ATF5: variants seen among roughly 807,000 people sequenced by gnomAD.
ATF5 encodes cyclic AMP-dependent transcription factor ATF-5.
Under a neutral mutation model 4.6 loss-of-function variants are expected in ATF5, and 6 were observed. That is an observed-to-expected ratio of 1.31 (90% CI 0.72 to 2.59). The LOEUF (loss-of-function observed/expected upper bound fraction) is 2.59. ATF5 is among the 30% of genes most tolerant of loss of function. The probability of loss-of-function intolerance (pLI) is 0.00; values close to 1 mark genes in which losing one functional copy is unlikely to be tolerated. For missense variants in ATF5, 410 were observed against 368.7 expected, an observed-to-expected ratio of 1.11 and a Z score of -0.92; for synonymous variants, 193 against 165.0, an observed-to-expected ratio of 1.17 and a Z score of -1.30.
In ATF5 at chr19:49,932,632, TACCACC is replaced by T; in HGVS notation, c.398_403del (p.Pro133_Pro134del). 9.2e-7 allele frequency: 1 copy of T among 1,087,256 alleles called. No individual in the cohort carries two copies. The highest frequency in any genetic ancestry group is 1.2e-6 in the Non-Finnish European group (1 of 825,780). 67.4% of individuals were successfully genotyped at this position (1,087,256 alleles called of 1,614,324 possible). A position where few individuals can be genotyped will look rare whatever the true frequency, so the allele number is the denominator to read the frequency against. ...CTCCCACCACCCTCCCCGCCGCCAC[TACCACC>T]ACCACCACTACCACCAGCCCCCTCC... On this transcript the variant is annotated inframe_deletion, in exon 3 of 3. Coordinates refer to ENST00000423777, the MANE Select transcript of ATF5 (RefSeq NM_001193646.2).
chr19:49,929,662 T>C (rs139800169), intron 1 of ATF5: 3 of 152,002 alleles, frequency 2.0e-5, no homozygotes, highest in African/African-American at 7.2e-5. Flanking sequence ...GTTTTTTTTT[T>C]TTCTAAACGA....
rs761046434 is a variant in ATF5, at chr19:49,932,986, G to A, written c.743G>A (p.Arg248His). The A allele has an allele frequency of 1.2e-5, 20 of 1,614,096 alleles. No individual in the cohort carries two copies. The highest frequency in any genetic ancestry group is 3.3e-5 in the South Asian group (3 of 91,060). ...TGCCAGGGGCTGGAGGCACGGAATCGCGAGCTGAAGGAACGGGCAGAGTCC... is the reference window on the plus strand; with the variant it reads ...TGCCAGGGGCTGGAGGCACGGAATCACGAGCTGAAGGAACGGGCAGAGTCC... Reference protein sequence around the residue: ...GECQGLEARNRELKERAESVE... With the variant: ...GECQGLEARNHELKERAESVE... Residue 248 changes from arginine to histidine, a missense_variant, in exon 3 of 3, where the codon CGC becomes CAC. Physicochemically the swap from Arg to His is conservative, Grantham distance 29 (BLOSUM62 0). Transcript: ENST00000423777.
Position 49,932,734 on chromosome 19 carries a change from T to C in ATF5, c.491T>C (p.Ile164Thr), listed in dbSNP as rs1438974550. ...PVLDTLDLLA[I>T]YCRNEAGQEE... ...TTGGATACTCTGGACTTGCTGGCCATCTACTGCCGCAACGAGGCCGGGCAG... is the reference window on the plus strand; with the variant it reads ...TTGGATACTCTGGACTTGCTGGCCACCTACTGCCGCAACGAGGCCGGGCAG... Residue 164 changes from isoleucine (I) to threonine (T), a missense_variant, in exon 3 of 3, where the codon ATC becomes ACC. Physicochemically the swap from Ile to Thr is moderately conservative, Grantham distance 89 (BLOSUM62 -1). Transcript: ENST00000423777. The C allele has an allele frequency of 2.8e-5, 44 of 1,553,780 alleles. No homozygotes were observed. The highest frequency in any genetic ancestry group is 3.8e-5 in the Non-Finnish European group (44 of 1,145,256).
intron 1 of ATF5, 130 bp downstream of exon 1, chr19:49,929,530 A>T (rs2076016680): frequency 6.6e-6 from 1 of 152,194 alleles, no homozygotes; most frequent in South Asian, 2.1e-4. Context: ...CAGAAGTAGT[A>T]CGGTGGGCCG....
chr19:49,932,502 A>ACCCCCCC lies in ATF5; in HGVS notation c.262_263insCCCCCCC (p.Leu88ProfsTer12). On this transcript the variant is annotated frameshift_variant, in exon 3 of 3. Transcript: ENST00000423777. LOFTEE classifies it low-confidence loss of function (END_TRUNC). ...TCTGGAGCCTCCCTTACCCCCCGGC[A>ACCCCCCC]CCCTCCCCCAACCTTCCCCAACCCC... 2.6e-6 allele frequency: 2 copies of ACCCCCCC among 767,136 alleles called. No individual in the cohort carries two copies. The highest frequency in any genetic ancestry group is 1.9e-6 in the Non-Finnish European group (1 of 517,036). 47.5% of individuals were successfully genotyped at this position (767,136 alleles called of 1,614,324 possible). A position where few individuals can be genotyped will look rare whatever the true frequency, so the allele number is the denominator to read the frequency against.
Position 49,932,609 on chromosome 19 carries a change from C to A in ATF5, c.366C>A (p.Leu122=), listed in dbSNP as rs774638109. 31 of 1,435,450 alleles carry A rather than the reference C, an allele frequency of 2.2e-5. 1 individual carries two copies. In the South Asian group the frequency reaches 2.8e-4, roughly 13 times the overall value. 88.9% of individuals were successfully genotyped at this position (1,435,450 alleles called of 1,614,324 possible). The change falls in exon 3 of 3, where the codon CTC becomes CTA. Residue 122 remains leucine, a synonymous_variant. Coordinates refer to ENST00000423777, the MANE Select transcript of ATF5 (RefSeq NM_001193646.2). Reference sequence around the variant, plus strand: ...ACTTCTTCCTAGATGCCCCGCCCCTCCCACCACCCTCCCCGCCGCCACTAC... The same window carrying A: ...ACTTCTTCCTAGATGCCCCGCCCCTACCACCACCCTCCCCGCCGCCACTAC... ...MEDFFLDAPP[L]PPPSPPPLPP... is the part of the protein sequence containing the mutation.
In ATF5 at chr19:49,932,605, C is replaced by CCCAG; in HGVS notation, c.364_365insAGCC (p.Leu122GlnfsTer29). On this transcript the variant is annotated frameshift_variant, in exon 3 of 3. Transcript: ENST00000423777. LOFTEE classifies it low-confidence loss of function (END_TRUNC). ...GAAGACTTCTTCCTAGATGCCCCGC[C>CCCAG]CCTCCCACCACCCTCCCCGCCGCCA... 1.3e-6 allele frequency: 2 copies of CCCAG among 1,531,226 alleles called. No individual in the cohort carries two copies. The highest frequency in any genetic ancestry group is 1.8e-6 in the Non-Finnish European group (2 of 1,140,558). The allele number at this position is 1,531,226 out of a possible 1,614,324, so 94.9% of individuals were successfully genotyped here. A position where few individuals can be genotyped will look rare whatever the true frequency, so the allele number is the denominator to read the frequency against.
intron 1 of ATF5, 23 bp from the exon 2 acceptor site, chr19:49,930,709 C>T (rs2076045990): frequency 7.8e-6 from 5 of 638,578 alleles, no homozygotes; most frequent in Non-Finnish European, 2.5e-6. Flanking sequence ...CTGACCACAC[C>T]CACTCTTGTC....
intron 2 of ATF5, 118 bp downstream of exon 2, chr19:49,931,146 A>T (rs2076057604): frequency 1.1e-6 from 1 of 926,716 alleles, no homozygotes; most frequent in South Asian, 1.9e-5. Context: ...GCACTGTTTT[A>T]GGTGCTGAGG....
At chr19:49,932,387 A>G (rs750861975) in intron 2 of ATF5, 35 bp from the exon 3 acceptor site, 5 of 1,611,536 alleles carry the variant, frequency 3.1e-6, no homozygotes, top group Non-Finnish European at 4.2e-6. Flanking sequence ...CCAGCAACTC[A>G]GGGAATTTTG....
Position 49,932,818 on chromosome 19 carries a change from C to T in ATF5, c.575C>T (p.Pro192Leu). Reference sequence around the variant, plus strand: ...CAGCAGCCCCCTCCTCCTTCTCCACCTCAACCTTCTCGCCTGGCCCCCTAC... The same window carrying T: ...CAGCAGCCCCCTCCTCCTTCTCCACTTCAACCTTCTCGCCTGGCCCCCTAC... ...PPQQPPPPSP[P>L]QPSRLAPYPH... is the part of the protein sequence containing the mutation. The change falls in exon 3 of 3, where the codon CCT (proline) becomes CTT (leucine). Residue 192 changes from proline to leucine, a missense_variant. Transcript: ENST00000423777. 2 of 1,609,588 alleles carry T rather than the reference C, an allele frequency of 1.2e-6. No homozygotes were observed. The highest frequency in any genetic ancestry group is 1.7e-6 in the Non-Finnish European group (2 of 1,178,256).
At position 49,929,246 on chromosome 19, in the gene ATF5, C is replaced by A. The variant is rs976004899; in HGVS notation, c.-274C>A. The A allele has an allele frequency of 6.5e-6, 1 of 153,524 alleles. No homozygotes were observed. The highest frequency in any genetic ancestry group is 1.9e-4 in the East Asian group (1 of 5,178). The allele number at this position is 153,524 out of a possible 1,614,324, so 9.5% of individuals were successfully genotyped here. ...TCACAGTCTCTTCTCACTACAGTGT[C>A]GCCGCCTCTGCCTGCGTAGCCCCGG... is the stretch of plus-strand genomic sequence containing the variant. On this transcript the variant is annotated 5_prime_UTR_variant, in exon 1 of 3. Transcript: ENST00000423777.
chr19:49,932,602 C>CG lies in ATF5; in HGVS notation c.360dup (p.Pro121AlafsTer29). 1.3e-6 allele frequency: 2 copies of CG among 1,569,484 alleles called. No individual in the cohort carries two copies. Among genetic ancestry groups the CG allele is most frequent in the Non-Finnish European group, 1.7e-6 (2 of 1,158,258 alleles). On this transcript the variant is annotated frameshift_variant, in exon 3 of 3. Transcript: ENST00000423777. LOFTEE classifies it low-confidence loss of function (END_TRUNC). ...ATGGAAGACTTCTTCCTAGATGCCC[C>CG]GCCCCTCCCACCACCCTCCCCGCCG...
rs762361029 is a variant in ATF5, at chr19:49,932,997, G to T, written c.754G>T (p.Glu252Ter). The change falls in exon 3 of 3, where the codon GAA becomes TAA. Residue 252 changes from glutamate to a stop codon, truncating the protein, a stop_gained. Coordinates refer to ENST00000423777, the MANE Select transcript of ATF5 (RefSeq NM_001193646.2). LOFTEE classifies it low-confidence loss of function (END_TRUNC). ...GGAGGCACGGAATCGCGAGCTGAAG[G>T]AACGGGCAGAGTCCGTGGAGCGCGA... ...GLEARNRELK[E>*]RAESVEREIQ... is the part of the protein sequence containing the mutation. The T allele has an allele frequency of 1.9e-6, 3 of 1,614,078 alleles. No homozygotes were observed. The highest frequency in any genetic ancestry group is 3.3e-5 in the Admixed American group (2 of 60,000).
rs147582462 is a variant in ATF5 at position 49,932,742 on chromosome 19, C to T, written c.499C>T (p.Arg167Cys). 3.2e-3 allele frequency: 5,225 copies of T among 1,609,624 alleles called. 10 individuals carry two copies. The highest frequency in any genetic ancestry group is 3.9e-3 in the Non-Finnish European group (4,568 of 1,178,432). Residue 167 changes from arginine to cysteine, a missense_variant, in exon 3 of 3, where the codon CGC (arginine) becomes TGC (cysteine). Transcript: ENST00000423777. ...TCTGGACTTGCTGGCCATCTACTGC[C>T]GCAACGAGGCCGGGCAGGAGGAAGT... is the stretch of plus-strand genomic sequence containing the variant. ...DTLDLLAIYC[R>C]NEAGQEEVGM...
chr19:49,931,139 CT>C lies in ATF5; in HGVS notation c.178+112del. On this transcript the variant is annotated intron_variant, in intron 2 of 2. Coordinates refer to ENST00000423777, the MANE Select transcript of ATF5 (RefSeq NM_001193646.2). ...TTGAGTGCCTACAATGTGCCAGGCA[CT>C]GTTTTAGGTGCTGAGGATACGGCTG... The C allele has an allele frequency of 3.0e-6, 3 of 1,004,688 alleles. No homozygotes were observed. The East Asian group carries it at 8.4e-5, about 28-fold the overall frequency. The allele number at this position is 1,004,688 out of a possible 1,614,324, so 62.2% of individuals were successfully genotyped here. A position where few individuals can be genotyped will look rare whatever the true frequency, so the allele number is the denominator to read the frequency against.
rs762665981 is a variant in ATF5, at chr19:49,930,868, C to T, written c.18C>T (p.Thr6=). Residue 6 remains threonine (T), a synonymous_variant, in exon 2 of 3, where the codon ACC becomes ACT. Transcript: ENST00000423777. ...CTACAGCCATGTCACTCCTGGCGACCCTGGGGCTGGAGCTGGACAGGGCCC... is the reference window on the plus strand; with the variant it reads ...CTACAGCCATGTCACTCCTGGCGACTCTGGGGCTGGAGCTGGACAGGGCCC... The part of the protein sequence containing the change: MSLLA[T]LGLELDRALL... 1.3e-6 allele frequency: 2 copies of T among 1,596,668 alleles called. No homozygotes were observed. Among genetic ancestry groups the T allele is most frequent in the South Asian group, 1.1e-5 (1 of 89,424 alleles).
Position 49,930,944 on chromosome 19 carries a change from C to T in ATF5, c.94C>T (p.Pro32Ser). The part of the protein sequence containing the change: ...GWLVDYGKLP[P>S]APAPLAPYEV... ...GCTCGTAGACTATGGGAAACTCCCC[C>T]CGGCCCCTGCCCCCCTGGCTCCCTA... The change falls in exon 2 of 3, where the codon CCG becomes TCG. Residue 32 changes from proline to serine, a missense_variant. Coordinates refer to ENST00000423777, the MANE Select transcript of ATF5 (RefSeq NM_001193646.2). 2 of 1,602,186 alleles carry T rather than the reference C, an allele frequency of 1.2e-6. No individual in the cohort carries two copies. Among genetic ancestry groups the T allele is most frequent in the Non-Finnish European group, 1.7e-6 (2 of 1,175,170 alleles).
chr19:49,930,694 C>T (rs1568732459), intron 1 of ATF5, 38 bp from the exon 2 acceptor site: 5 of 536,054 alleles, frequency 9.3e-6, no homozygotes, highest in Admixed American at 3.9e-5. Flanking sequence ...GTGGATGACG[C>T]TGTCCTGACC....
Sources: gnomAD v4.1 joint callset for allele counts on GRCh38, gnomAD v4.1.1 for gene constraint, MANE v1.5 for transcripts, NCBI Gene and HGNC (gene_info 2026-07-23, HGNC 2026-07-21) for gene names.